The following MIS18BP1 variants were observed in gnomAD, a reference collection of about 807,000 sequenced individuals.
MIS18BP1 encodes mis18-binding protein 1.
Under a neutral mutation model 116.1 loss-of-function variants are expected in MIS18BP1, and 72 were observed. That is an observed-to-expected ratio of 0.62 (90% CI 0.51 to 0.75). MIS18BP1 has a LOEUF of 0.75. Among genes scored for constraint, MIS18BP1 ranks in the 30% least tolerant of loss-of-function variants. The pLI is 0.00. For synonymous variants in MIS18BP1, 386 were observed against 427.0 expected, an observed-to-expected ratio of 0.90 and a Z score of 1.18; for missense variants, 1,363 against 1,303.2, an observed-to-expected ratio of 1.05 and a Z score of -0.71.
intron 14 of MIS18BP1, chr14:45,206,468 T>G (rs1272323413): frequency 2.1e-5 from 5 of 233,722 alleles, no homozygotes; most frequent in South Asian, 1.9e-4. Context: ...TGTATTTTTC[T>G]TAAGAGACAG....
intron 8 of MIS18BP1, among the ~76,000 whole-genome samples, chr14:45,229,149 A>T (rs1194117181): frequency 2.0e-5 from 3 of 152,016 alleles, no homozygotes; most frequent in Non-Finnish European, 4.4e-5. Flanking sequence ...GGTGGGGGGA[A>T]TCATGCCTTA....
intron 1 of MIS18BP1, among the ~76,000 whole-genome samples, chr14:45,251,037 A>G (rs1438311506): frequency 9.6e-6 from 1 of 104,636 alleles, no homozygotes; most frequent in Non-Finnish European, 1.9e-5. Context: ...ACTCTGCCTC[A>G]AAAAAAAAAA....
chr14:45,215,734 T>G (rs1268701867), intron 13 of MIS18BP1, among the ~76,000 whole-genome samples: 2 of 138,368 alleles, frequency 1.4e-5, no homozygotes, highest in African/African-American at 2.8e-5. Flanking sequence ...AGATGGAGTC[T>G]CACACTCTGG....
At position 45,240,245 on chromosome 14, in the gene MIS18BP1, GGAAA is replaced by G. The variant is rs138155934; in HGVS notation, c.1143+1785_1143+1788del. Among the ~76,000 whole-genome samples, 645 of 152,180 alleles carry G rather than the reference GGAAA, an allele frequency of 4.2e-3. 4 individuals are homozygous for G. The highest frequency in any genetic ancestry group is 0.015 in the African/African-American group (604 of 41,536). ...CCAACATTTTTAGGACTGATTCTGG[GGAAA>G]GAAAGAGGAAATAGCAAAGAGGACT... On this transcript the variant is annotated intron_variant, in intron 4 of 16. Coordinates refer to ENST00000310806, the MANE Select transcript of MIS18BP1 (RefSeq NM_018353.5).
chr14:45,223,538 T>C (rs2139181374), intron 11 of MIS18BP1, among the ~76,000 whole-genome samples: 1 of 152,262 alleles, frequency 6.6e-6, no homozygotes, highest in East Asian at 1.9e-4. Flanking sequence ...ATTGTGGCAT[T>C]GCACTCCAGA....
At chr14:45,242,681 C>T in intron 3 of MIS18BP1, 80 bp downstream of exon 3, 1 of 1,459,688 alleles carries the variant, frequency 6.9e-7, no homozygotes, top group Non-Finnish European at 9.3e-7. Flanking sequence ...AGTTTAATGC[C>T]CACACAAGGA....
rs147987700 is a variant in MIS18BP1, at chr14:45,242,836, C to T, written c.583G>A (p.Asp195Asn). 330 of 1,613,006 alleles carry T rather than the reference C, an allele frequency of 2.0e-4. No homozygotes were observed. The highest frequency in any genetic ancestry group is 2.6e-4 in the Non-Finnish European group (308 of 1,179,502). The stretch of plus-strand genomic sequence containing the variant: ...TTTTGTTTGACCGGGAGGAAAATAT[C>T]ATTATTTGATGATTCTAGAGGAACT... Reference protein sequence around the residue: ...QGVPLESSNNDIFLPVKQKIQ... With the variant: ...QGVPLESSNNNIFLPVKQKIQ... The change falls in exon 3 of 17, where the codon GAT (aspartate) becomes AAT (asparagine). Residue 195 changes from aspartate (D) to asparagine (N), a missense_variant. Physicochemically the swap from Asp to Asn is conservative, Grantham distance 23. Coordinates refer to ENST00000310806, the MANE Select transcript of MIS18BP1 (RefSeq NM_018353.5).
Position 45,204,201 on chromosome 14 carries a change from T to G in MIS18BP1, c.3307A>C (p.Asn1103His). 4 of 1,609,258 alleles carry G rather than the reference T, an allele frequency of 2.5e-6. No individual in the cohort carries two copies. The highest frequency in any genetic ancestry group is 3.4e-6 in the Non-Finnish European group (4 of 1,178,420). The change falls in exon 17 of 17, where the codon AAC becomes CAC. Residue 1103 changes from asparagine (N) to histidine (H), a missense_variant. Transcript: ENST00000310806. ...GTGAAAAGTTTTCCAATACCAGAGT[T>G]TTCTCCTAAGTCTGTAAAGAGAAGT... is the stretch of plus-strand genomic sequence containing the variant. ...KTPFNTDLGE[N>H]SGIGKLFTNA...
intron 4 of MIS18BP1, 91 bp downstream of exon 4, chr14:45,241,943 G>GA (rs1214828826): frequency 2.0e-5 from 27 of 1,380,786 alleles, no homozygotes; most frequent in African/African-American, 2.9e-5. Context: ...ATCCTAGCTA[G>GA]AAAAAAAATA....
chr14:45,219,111 G>A (rs986176881), intron 11 of MIS18BP1, among the ~76,000 whole-genome samples: 2 of 152,136 alleles, frequency 1.3e-5, no homozygotes, highest in African/African-American at 4.8e-5. Flanking sequence ...TTCATGCATT[G>A]TGGTTAGATT....
At chr14:45,222,210 A>T (rs1318314368) in intron 11 of MIS18BP1, among the ~76,000 whole-genome samples, 1 of 152,120 alleles carries the variant, frequency 6.6e-6, no homozygotes, top group African/African-American at 2.4e-5. Context: ...TTTAATTGGT[A>T]TGTTTAGACC....
chr14:45,231,353 C>A, intron 7 of MIS18BP1, 55 bp from the exon 8 acceptor site: 2 of 1,427,086 alleles, frequency 1.4e-6, no homozygotes, highest in Admixed American at 2.3e-5. Flanking sequence ...AAAAACAAAA[C>A]AAAAAAAATC....
chr14:45,244,162 C>G (rs1891665134), intron 2 of MIS18BP1, among the ~76,000 whole-genome samples: 1 of 152,142 alleles, frequency 6.6e-6, no homozygotes, highest in African/African-American at 2.4e-5. Flanking sequence ...TAACAGATAC[C>G]TATATTCAGT....
At chr14:45,206,272 G>A (rs1890515003) in intron 14 of MIS18BP1, 102 bp from the exon 15 acceptor site, 1 of 741,572 alleles carries the variant, frequency 1.3e-6, no homozygotes, top group Non-Finnish European at 2.2e-6. Flanking sequence ...AACAACAATT[G>A]CCTAAATTAA....
chr14:45,241,278 T>C (rs1212310319), intron 4 of MIS18BP1, among the ~76,000 whole-genome samples: 2 of 152,110 alleles, frequency 1.3e-5, no homozygotes, highest in Admixed American at 1.3e-4. Context: ...GAGACCAGCT[T>C]GGCCAGCACG....
At chr14:45,247,425 A>C (rs1891753367) in intron 1 of MIS18BP1, 48 bp from the exon 2 acceptor site, 2 of 637,404 alleles carry the variant, frequency 3.1e-6, no homozygotes, top group Admixed American at 3.4e-5. Context: ...GGTGCAGAAA[A>C]TGTTTAAAGT....
chr14:45,215,201 A>C (rs1287895619), intron 13 of MIS18BP1, among the ~76,000 whole-genome samples: 2 of 152,212 alleles, frequency 1.3e-5, no homozygotes, highest in African/African-American at 4.8e-5. Context: ...CTCTTAAAAG[A>C]CTTCCCTCTA....
At chr14:45,221,361 T>C (rs1039849930) in intron 11 of MIS18BP1, among the ~76,000 whole-genome samples, 10 of 151,794 alleles carry the variant, frequency 6.6e-5, no homozygotes, top group Admixed American at 2.0e-4. Context: ...GGTGTGAACC[T>C]GGGAGGTGGA....
chr14:45,215,943 A>T (rs1221458695), intron 13 of MIS18BP1, among the ~76,000 whole-genome samples: 1 of 151,812 alleles, frequency 6.6e-6, no homozygotes, highest in African/African-American at 2.4e-5. Flanking sequence ...TGACCTCGTG[A>T]TCTGCCCGCC....
Sources: gnomAD v4.1 joint callset for allele counts (sites outside exome capture counted in the v4.1 genomes callset) on GRCh38, gnomAD v4.1.1 for gene constraint, MANE v1.5 for transcripts, NCBI Gene and HGNC (gene_info 2026-07-23, HGNC 2026-07-21) for gene names.